Variants in PTPRN2 observed in about 807,000 individuals in gnomAD.
The protein encoded by PTPRN2 is receptor-type tyrosine-protein phosphatase N2.
In PTPRN2, 74 loss-of-function variants were observed where a neutral mutation model predicts 118.8. The observed-to-expected ratio is 0.62, with a 90% CI of 0.52 to 0.76. The LOEUF is 0.76. PTPRN2 is among the 30% of genes least tolerant of loss of function. PTPRN2 has a pLI of 0.00. For missense variants in PTPRN2, 1,481 were observed against 1,394.4 expected (o/e 1.06, Z -0.99); for synonymous variants, 641 against 608.0 (o/e 1.05, Z -0.80).
Position 158,152,122 on chromosome 7 carries a change from C to G in PTPRN2, c.911-13607G>C, listed in dbSNP as rs1481510089. Among the ~76,000 whole-genome samples the G allele has an allele frequency of 3.6e-5, 5 of 138,734 alleles. No individual in the cohort carries two copies. The Admixed American group carries it at 4.0e-4, about 11-fold the overall frequency. The allele number at this position is 138,734 out of a possible 152,430, so 91.0% of individuals were successfully genotyped here. On this transcript the variant is annotated intron_variant, in intron 6 of 22. Transcript: ENST00000389418. ...CCGGGAGGCGGAGCTTGCAGTGAGC[C>G]GAGATCACGCCACTGCACTCCAGCC...
At chr7:158,439,550 T>C (rs1476288739) in intron 2 of PTPRN2, among the ~76,000 whole-genome samples, 8 of 152,200 alleles carry the variant, frequency 5.3e-5, no homozygotes. Context: ...GAGGAAACAG[T>C]AATCTTTGTG....
At chr7:158,165,181 C>T (rs7799442) in intron 6 of PTPRN2, among the ~76,000 whole-genome samples, 72,229 of 115,894 alleles carry the variant, frequency 0.62, 25,135 homozygotes, top group East Asian at 0.77. Context: ...CTAGTACCCA[C>T]GAAAGTGCAG....
intron 12 of PTPRN2, among the ~76,000 whole-genome samples, chr7:157,809,696 A>G (rs764283408): frequency 6.6e-6 from 1 of 152,156 alleles, no homozygotes; most frequent in Non-Finnish European, 1.5e-5. Flanking sequence ...CGGCATTGCC[A>G]GGAGCCACAG....
At chr7:158,306,357 G>A (rs568642749) in intron 3 of PTPRN2, among the ~76,000 whole-genome samples, 2 of 152,316 alleles carry the variant, frequency 1.3e-5, no homozygotes, top group East Asian at 1.9e-4. Context: ...GAAGACATGA[G>A]GCTCTAAGCT....
At chr7:158,171,008 T>C (rs570675929) in intron 5 of PTPRN2, among the ~76,000 whole-genome samples, 19 of 147,198 alleles carry the variant, frequency 1.3e-4, no homozygotes, top group Non-Finnish European at 2.8e-4. Context: ...CATATATATA[T>C]ACACATACAT....
At chr7:157,665,697 T>C (rs139634649) in intron 13 of PTPRN2, among the ~76,000 whole-genome samples, 1,554 of 152,334 alleles carry the variant, frequency 0.01, 56 homozygotes, top group South Asian at 0.1. Context: ...ATGTTTATTG[T>C]GGCACTATTC....
intron 8 of PTPRN2, among the ~76,000 whole-genome samples, chr7:158,134,363 G>C (rs182042184): frequency 6.6e-6 from 1 of 152,208 alleles, no homozygotes; most frequent in Admixed American, 6.5e-5. Flanking sequence ...AGTTTGTGTA[G>C]GTCTTTGGCA....
chr7:157,846,838 G>A (rs992540830), intron 12 of PTPRN2, among the ~76,000 whole-genome samples: 7 of 151,156 alleles, frequency 4.6e-5, no homozygotes, highest in East Asian at 2.0e-4. Flanking sequence ...ATGCGTGCCC[G>A]ATGTCGACAG....
Position 157,845,984 on chromosome 7 carries a change from AAAC to A in PTPRN2, c.1788+52686_1788+52688del, listed in dbSNP as rs1808777212. Reference sequence around the variant, plus strand: ...AACAGTTTCCTCAAATCCTTTCCTCAAACAACACAAACTACGGAGGAAGGGAGT... The same window carrying A: ...AACAGTTTCCTCAAATCCTTTCCTCAAACACAAACTACGGAGGAAGGGAGT... On this transcript the variant is annotated intron_variant, in intron 12 of 22. Transcript: ENST00000389418. This position sits in a 1 kb window ranked among gnomAD's most constrained non-coding sequence, Gnocchi z 4.5. 6.6e-6 allele frequency among the ~76,000 whole-genome samples: 1 copy of A among 152,228 alleles called. No homozygotes were observed. Among genetic ancestry groups the A allele is most frequent in the African/African-American group, 2.4e-5 (1 of 41,478 alleles).
At chr7:158,340,404 CCGCAGACG>C (rs1806462881) in intron 2 of PTPRN2, among the ~76,000 whole-genome samples, 1 of 81,302 alleles carries the variant, frequency 1.2e-5, no homozygotes, top group Admixed American at 1.3e-4. Context: ...GAGCTGACAC[CCGCAGACG>C]TCACTCACAC....
chr7:158,335,421 C>A (rs1805368327), intron 2 of PTPRN2, among the ~76,000 whole-genome samples: 1 of 17,146 alleles, frequency 5.8e-5, no homozygotes, highest in Non-Finnish European at 1.7e-4. Flanking sequence ...CACCCACACT[C>A]TCAACCATAA....
At chr7:157,914,926 A>G (rs1798311676) in intron 11 of PTPRN2, among the ~76,000 whole-genome samples, 1 of 152,012 alleles carries the variant, frequency 6.6e-6, no homozygotes, top group African/African-American at 2.4e-5. Flanking sequence ...CTTCAACTAT[A>G]TCTAATCTGC....
chr7:157,943,253 G>C (rs1241933727), intron 11 of PTPRN2, among the ~76,000 whole-genome samples: 3 of 152,146 alleles, frequency 2.0e-5, no homozygotes, highest in Non-Finnish European at 4.4e-5. Context: ...AGGATAAACA[G>C]GCAAAGAACT....
intron 11 of PTPRN2, among the ~76,000 whole-genome samples, chr7:157,940,859 ACAACACTGCAAATCTAACGCCCCC>A (rs1800039326): frequency 5.0e-5 from 1 of 20,172 alleles, no homozygotes; most frequent in Non-Finnish European, 7.2e-5. Flanking sequence ...ACTCTCCCCC[ACAACACTGCAAATCTAACGCCCCC>A]CCATGACACT....
intron 11 of PTPRN2, among the ~76,000 whole-genome samples, chr7:157,920,892 G>GA (rs35089750): frequency 1.3e-5 from 2 of 152,016 alleles, no homozygotes; most frequent in Non-Finnish European, 2.9e-5. Flanking sequence ...CACAGTTCAT[G>GA]AAAAAAACAA....
intron 12 of PTPRN2, among the ~76,000 whole-genome samples, chr7:157,752,965 G>C (rs1801569541): frequency 6.6e-6 from 1 of 152,238 alleles, no homozygotes. Context: ...TCAGTGACCA[G>C]ATGGTTTTGC....
Position 157,611,051 on chromosome 7 carries a change from G to C in PTPRN2, c.2345-6976C>G, listed in dbSNP as rs12669550. The stretch of plus-strand genomic sequence containing the variant: ...GACCTGCCCCACCCACCACTCAGGA[G>C]GCACGCTGCCCACCGCTGAGCTGAA... On this transcript the variant is annotated intron_variant, in intron 15 of 22. Transcript: ENST00000389418. The surrounding 1 kb of genome is among the most constrained non-coding windows in gnomAD (Gnocchi z 5.9). 1.2e-3 allele frequency among the ~76,000 whole-genome samples: 180 copies of C among 152,200 alleles called. No individual in the cohort carries two copies. Among genetic ancestry groups the C allele is most frequent in the Admixed American group, 2.1e-3 (32 of 15,298 alleles).
intron 1 of PTPRN2, among the ~76,000 whole-genome samples, chr7:158,531,008 G>A (rs1453997908): frequency 6.6e-6 from 1 of 152,158 alleles, no homozygotes; most frequent in Non-Finnish European, 1.5e-5. Context: ...GTATGTATAT[G>A]AGCATGTGCA....
chr7:158,201,658 GCTAA>G (rs979305023), intron 4 of PTPRN2, among the ~76,000 whole-genome samples: 32 of 152,312 alleles, frequency 2.1e-4, no homozygotes, highest in African/African-American at 7.7e-4. Flanking sequence ...TCTGAAGTCT[GCTAA>G]CTGAGAGCTT....
Sources: gnomAD v4.1 joint callset for allele counts (sites outside exome capture counted in the v4.1 genomes callset) on GRCh38, gnomAD v4.1.1 for gene constraint, Gnocchi (gnomAD v3.1) non-coding constraint, MANE v1.5 for transcripts, NCBI Gene and HGNC (gene_info 2026-07-23, HGNC 2026-07-21) for gene names.